KIF19: variants seen among roughly 807,000 people sequenced by gnomAD.
KIF19 encodes the protein kinesin family member 19.
In KIF19, 98 loss-of-function variants were observed where a neutral mutation model predicts 106.6. The ratio of observed to expected loss-of-function variants is 0.92; its 90% CI spans 0.78 to 1.09. The LOEUF (loss-of-function observed/expected upper bound fraction) is 1.09. Ranked by LOEUF, KIF19 falls within the 50% of genes least tolerant of loss-of-function variation. KIF19 has a pLI of 0.00. For synonymous variants in KIF19, 516 were observed against 584.2 expected (o/e 0.88, Z 1.68); for missense variants, 1,373 against 1,414.3 (o/e 0.97, Z 0.47).
At position 74,343,103 on chromosome 17, in the gene KIF19, T is replaced by C; in HGVS notation, c.399T>C (p.Arg133=). ...IYVQTLNDLF[R]AIEETSNDME... ...TTCAGACCCTCAACGACCTCTTCCG[T>C]GCCATCGAGGAGACCAGCAATGACA... The change falls in exon 5 of 20, where the codon CGT becomes CGC. Residue 133 remains arginine, a synonymous_variant. Coordinates refer to ENST00000389916, the MANE Select transcript of KIF19 (RefSeq NM_153209.4). 1 of 1,613,256 alleles carries C rather than the reference T, an allele frequency of 6.2e-7. No individual in the cohort carries two copies. The highest frequency in any genetic ancestry group is 1.3e-5 in the African/African-American group (1 of 75,026).
intron 2 of KIF19, among the ~76,000 whole-genome samples, chr17:74,338,755 G>A (rs535247538): frequency 3.9e-5 from 6 of 151,992 alleles, no homozygotes; most frequent in Non-Finnish European, 7.4e-5. Context: ...CATCCTCCTG[G>A]GACTGGGCAT....
rs377467622 is a variant in KIF19 at position 74,346,513 on chromosome 17, C to G, written c.913C>G (p.Arg305Gly). 15 of 1,550,970 alleles carry G rather than the reference C, an allele frequency of 9.7e-6. No individual in the cohort carries two copies. In the South Asian group the frequency reaches 1.8e-4, roughly 18 times the overall value. ...CAACTATCGCGACAGCAAGCTCACC[C>G]GGCTCCTGAAGGTACCAGCCACAGC... ...YINYRDSKLT[R>G]LLKDSLGGNS... Residue 305 changes from arginine to glycine, a missense_variant, in exon 8 of 20, where the codon CGG becomes GGG. Transcript: ENST00000389916. This position sits in a 1 kb window ranked among gnomAD's most constrained non-coding sequence, Gnocchi z 4.6.
chr17:74,326,435 T>G (rs368284636), intron 1 of KIF19, 47 bp downstream of exon 1: 25 of 1,584,602 alleles, frequency 1.6e-5, no homozygotes, highest in Non-Finnish European at 1.7e-5. Context: ...CGTGGTCTAC[T>G]TCAGTCGGCC....
At chr17:74,333,234 C>T (rs974333529) in intron 2 of KIF19, among the ~76,000 whole-genome samples, 1 of 152,180 alleles carries the variant, frequency 6.6e-6, no homozygotes, top group African/African-American at 2.4e-5. Flanking sequence ...TTTACCTCTC[C>T]CCGCTTAGCC....
rs2054834388 is a variant in KIF19 at position 74,354,874 on chromosome 17, T to C, written c.2799T>C (p.Gly933=). 6.4e-7 allele frequency: 1 copy of C among 1,567,284 alleles called. No individual in the cohort carries two copies. The highest frequency in any genetic ancestry group is 1.4e-5 in the African/African-American group (1 of 73,720). The change falls in exon 19 of 20, where the codon GGT becomes GGC. Residue 933 remains glycine (G), a synonymous_variant. Transcript: ENST00000389916. ...RMPVCRHPAP[G]IRHLGKVTLP... ...CAGTGTGCAGGCACCCAGCCCCTGG[T>C]ATCCGGCATCTGGGAAAGGTCACGC...
At chr17:74,332,222 G>T (rs189389309) in intron 2 of KIF19, among the ~76,000 whole-genome samples, 33,550 of 123,764 alleles carry the variant, frequency 0.27, 4,137 homozygotes, top group Admixed American at 0.44. Context: ...GTGTGTGTGT[G>T]TGTGTGTGTG....
rs4789056 is a variant in KIF19, at chr17:74,333,709, G to A, written c.120+5204G>A. ...GTGATACAACTTCACTCCTTATGTTGTGCATAATCCTCTAGGTTGCAAGGA... is the reference window on the plus strand; with the variant it reads ...GTGATACAACTTCACTCCTTATGTTATGCATAATCCTCTAGGTTGCAAGGA... On this transcript the variant is annotated intron_variant, in intron 2 of 19. Transcript: ENST00000389916. Among the ~76,000 whole-genome samples the A allele has an allele frequency of 2.0e-4, 30 of 152,128 alleles. 1 individual carries two copies. The highest frequency in any genetic ancestry group is 2.0e-3 in the Admixed American group (30 of 15,270).
rs2053970653 is a variant in KIF19, at chr17:74,328,347, A to G, written c.40-78A>G. 5.9e-6 allele frequency: 8 copies of G among 1,345,384 alleles called. No homozygotes were observed. In the South Asian group the frequency reaches 7.6e-5, roughly 13 times the overall value. 83.3% of individuals were successfully genotyped at this position (1,345,384 alleles called of 1,614,324 possible). ...GAGATGGCTGAATGCTAGAGAAGCC[A>G]GGGGCTTGCTTGAGGTCTCTCTGAG... On this transcript the variant is annotated intron_variant, in intron 1 of 19. Transcript: ENST00000389916.
chr17:74,344,418 G>C, intron 6 of KIF19, 70 bp downstream of exon 6: 2 of 1,561,502 alleles, frequency 1.3e-6, no homozygotes, highest in Non-Finnish European at 1.7e-6. Flanking sequence ...GAGGGGCGGG[G>C]ACAGAAGCCA....
At chr17:74,343,507 T>G (rs775520924) in intron 5 of KIF19, among the ~76,000 whole-genome samples, 2 of 152,336 alleles carry the variant, frequency 1.3e-5, no homozygotes, top group South Asian at 4.1e-4. Flanking sequence ...CAGTGAAAAC[T>G]GAACATACAT....
At chr17:74,339,174 T>C (rs2054291998) in intron 2 of KIF19, among the ~76,000 whole-genome samples, 1 of 151,742 alleles carries the variant, frequency 6.6e-6, no homozygotes, top group South Asian at 2.1e-4. Context: ...GGGCAGGAAC[T>C]CCCCTACCTG....
chr17:74,329,318 C>T (rs992474880), intron 2 of KIF19: 3 of 151,848 alleles, frequency 2.0e-5, no homozygotes, highest in Non-Finnish European at 4.4e-5. Context: ...CGTGGTGGCA[C>T]GTGCCTGTAG....
chr17:74,350,575 G>A lies in KIF19; in HGVS notation c.1388G>A (p.Gly463Asp), dbSNP rs1022614952. ...TCCCGACACCTGCTCACCATCGCCG[G>A]GTAAGCCCCCCTCCCAGGACCCTCC... ...DTSRHLLTIA[G>D]WKHEKSRRAL... The change falls in exon 11 of 20, where the codon GGC becomes GAC. Residue 463 changes from glycine to aspartate, a missense_variant and splice_region_variant. Gly to Asp is a moderately conservative substitution (Grantham distance 94). Around this residue, in one of 3 missense-constraint regions of KIF19, gnomAD observed 1,020 missense variants for 1,008.2 expected, o/e 1.01. Transcript: ENST00000389916. 3 of 1,612,594 alleles carry A rather than the reference G, an allele frequency of 1.9e-6. No individual in the cohort carries two copies. Among genetic ancestry groups the A allele is most frequent in the South Asian group, 2.2e-5 (2 of 91,034 alleles).
rs115136977 is a variant in KIF19 at position 74,334,663 on chromosome 17, C to T, written c.120+6158C>T. Among the ~76,000 whole-genome samples, 914 of 152,292 alleles carry T rather than the reference C, an allele frequency of 6.0e-3. 8 individuals carry two copies. Among genetic ancestry groups the T allele is most frequent in the African/African-American group, 0.021 (889 of 41,554 alleles). ...CCAGGGACACCCTTCCTGGGATCAA[C>T]GTTGCCTTTATTGAGGACTCCCAGG... On this transcript the variant is annotated intron_variant, in intron 2 of 19. Coordinates refer to ENST00000389916, the MANE Select transcript of KIF19 (RefSeq NM_153209.4).
chr17:74,332,179 A>AGTGTGTGTGTGTGTGTGT (rs1270595840), intron 2 of KIF19, among the ~76,000 whole-genome samples: 9 of 117,786 alleles, frequency 7.6e-5, no homozygotes, highest in Non-Finnish European at 9.2e-5. Context: ...TGAACACCTC[A>AGTGTGTGTGTGTGTGTGT]GTGTGTGTGT....
chr17:74,347,275 G>A (rs950165048), intron 8 of KIF19, among the ~76,000 whole-genome samples: 4 of 152,140 alleles, frequency 2.6e-5, no homozygotes, highest in African/African-American at 7.2e-5. Context: ...GGTGGCTCAC[G>A]CCTGGAATCC....
chr17:74,344,289 T>C lies in KIF19; in HGVS notation c.523T>C (p.Ser175Pro). The C allele has an allele frequency of 3.1e-6, 5 of 1,612,778 alleles. No homozygotes were observed. The highest frequency in any genetic ancestry group is 4.2e-6 in the Non-Finnish European group (5 of 1,179,714). The change falls in exon 6 of 20, where the codon TCT (serine) becomes CCT (proline). Residue 175 changes from serine to proline, a missense_variant. Physicochemically the swap from Ser to Pro is moderately conservative, Grantham distance 74. This residue lies in a region of KIF19 where 348 missense variants were observed against 389.5 expected (regional missense o/e 0.89). Coordinates refer to ENST00000389916, the MANE Select transcript of KIF19 (RefSeq NM_153209.4). ...SLGYLELRED[S>P]KGVIQVAGIT... ...GGGCTACCTGGAGCTGCGGGAGGAC[T>C]CTAAGGGGGTGATCCAGGTGGCCGG...
rs752331304 is a variant in KIF19 at position 74,326,313 on chromosome 17, C to T, written c.-37C>T. 27 of 1,596,078 alleles carry T rather than the reference C, an allele frequency of 1.7e-5. No homozygotes were observed. The highest frequency in any genetic ancestry group is 2.1e-5 in the Non-Finnish European group (25 of 1,173,086). On this transcript the variant is annotated 5_prime_UTR_variant, in exon 1 of 20. Coordinates refer to ENST00000389916, the MANE Select transcript of KIF19 (RefSeq NM_153209.4). ...GGTGGGGGTGCGGCTGAGCCATGCC[C>T]GGTGGCGCGGCCTGAGCCCCTCCAC...
chr17:74,354,899 C>CT lies in KIF19; in HGVS notation c.2825dup (p.Pro943ThrfsTer56). 6.4e-7 allele frequency: 1 copy of CT among 1,572,654 alleles called. No homozygotes were observed. The highest frequency in any genetic ancestry group is 8.6e-7 in the Non-Finnish European group (1 of 1,159,370). ...TATCCGGCATCTGGGAAAGGTCACG[C>CT]TACCTTTGGCCAAAGTCAAACTCCC... On this transcript the variant is annotated frameshift_variant, in exon 19 of 20. Coordinates refer to ENST00000389916, the MANE Select transcript of KIF19 (RefSeq NM_153209.4). LOFTEE classifies it low-confidence loss of function (END_TRUNC).
Sources: allele counts gnomAD v4.1 joint callset (sites outside exome capture counted in the v4.1 genomes callset), GRCh38; gene constraint gnomAD v4.1.1; regional missense constraint gnomAD v4.1.1; non-coding constraint Gnocchi (gnomAD v3.1); transcripts MANE v1.5; gene names NCBI Gene and HGNC (gene_info 2026-07-23, HGNC 2026-07-21).